Variants in PCM1 observed in about 807,000 individuals in gnomAD.
PCM1 encodes the protein pericentriolar material 1.
Under a neutral mutation model 241.9 loss-of-function variants are expected in PCM1, and 157 were observed. The observed-to-expected ratio is 0.65, with a 90% CI of 0.57 to 0.74. The LOEUF (loss-of-function observed/expected upper bound fraction) is 0.74. Among genes scored for constraint, PCM1 ranks in the 30% least tolerant of loss-of-function variants. PCM1 has a pLI of 0.00. For missense variants in PCM1, 3,478 were observed against 2,360.1 expected (o/e 1.47, Z -9.81); for synonymous variants, 1,085 against 784.9 (o/e 1.38, Z -6.39).
chr8:18,018,588 G>A (rs987214813), intron 36 of PCM1, among the ~76,000 whole-genome samples: 15 of 151,924 alleles, frequency 9.9e-5, no homozygotes, highest in Middle Eastern at 3.4e-3. Flanking sequence ...CGAGGCGGGC[G>A]GATCAGGAGG....
At chr8:17,950,534 T>G (rs1279881225) in intron 7 of PCM1, 81 bp from the exon 8 acceptor site, 4 of 739,434 alleles carry the variant, frequency 5.4e-6, no homozygotes, top group Non-Finnish European at 9.0e-6. Flanking sequence ...ATTCTTTTTT[T>G]AAATTTATTT....
At chr8:17,956,425 T>C (rs547927656) in intron 10 of PCM1, among the ~76,000 whole-genome samples, 179 bp from the exon 11 acceptor site, 1 of 152,314 alleles carries the variant, frequency 6.6e-6, no homozygotes, top group South Asian at 2.1e-4. Context: ...AGATTTTGAG[T>C]AAGCTGTACT....
chr8:18,016,656 A>C (rs1739645951), intron 36 of PCM1, among the ~76,000 whole-genome samples: 1 of 152,232 alleles, frequency 6.6e-6, no homozygotes, highest in Admixed American at 6.5e-5. Context: ...TGAATTGACA[A>C]CCAAAATAAA....
Position 17,966,972 on chromosome 8 carries a change from C to G in PCM1, c.3222-8C>G. 3.1e-6 allele frequency: 5 copies of G among 1,592,348 alleles called. No individual in the cohort carries two copies. Among genetic ancestry groups the G allele is most frequent in the South Asian group, 1.1e-5 (1 of 87,106 alleles). Reference sequence around the variant, plus strand: ...TGATTCTTAGATTACTGACTTAAATCTTTGTAGGTTGAAACAAATGCTAAA... The same window carrying G: ...TGATTCTTAGATTACTGACTTAAATGTTTGTAGGTTGAAACAAATGCTAAA... On this transcript the variant is annotated splice_region_variant and splice_polypyrimidine_tract_variant and intron_variant, in intron 20 of 38. Transcript: ENST00000325083.
chr8:17,988,658 C>G (rs938456935), intron 26 of PCM1, among the ~76,000 whole-genome samples: 11 of 151,852 alleles, frequency 7.2e-5, no homozygotes, highest in Non-Finnish European at 1.2e-4. Context: ...ATAAAGCTTA[C>G]AACTCAGTTG....
Position 18,022,099 on chromosome 8 carries a change from T to C in PCM1, c.5842-3262T>C, listed in dbSNP as rs571539485. ...AGCAGACAGCTCTTACTACTCACAA[T>C]GCAGCAAAACTTCAGGGTTTTCAGC... On this transcript the variant is annotated intron_variant, in intron 36 of 38. Coordinates refer to ENST00000325083, the MANE Select transcript of PCM1 (RefSeq NM_006197.4). Among the ~76,000 whole-genome samples, 4 of 152,272 alleles carry C rather than the reference T, an allele frequency of 2.6e-5. No homozygotes were observed. In the South Asian group the frequency reaches 8.3e-4, roughly 32 times the overall value.
At position 17,938,749 on chromosome 8, in the gene PCM1, G is replaced by A; in HGVS notation, c.352G>A (p.Gly118Arg). The A allele has an allele frequency of 6.2e-7, 1 of 1,609,422 alleles. No homozygotes were observed. Among genetic ancestry groups the A allele is most frequent in the Non-Finnish European group, 8.5e-7 (1 of 1,175,790 alleles). The change falls in exon 5 of 39, where the codon GGA becomes AGA. Residue 118 changes from glycine to arginine, a missense_variant. Coordinates refer to ENST00000325083, the MANE Select transcript of PCM1 (RefSeq NM_006197.4). ...NFSDLDQRSI[G>R]SDSQGRATAA... is the part of the protein sequence containing the mutation. ...TCTTTTTCATATATAGAGAAGCATT[G>A]GAAGTGATTCCCAAGGTAGAGCAAC...
intron 19 of PCM1, 31 bp downstream of exon 19, chr8:17,966,249 T>G: frequency 6.2e-7 from 1 of 1,608,736 alleles, no homozygotes; most frequent in Non-Finnish European, 8.5e-7. Context: ...ATATTTTTCG[T>G]CTATTTTTAT....
chr8:17,997,755 A>G (rs890822234), intron 29 of PCM1, among the ~76,000 whole-genome samples: 3 of 151,598 alleles, frequency 2.0e-5, no homozygotes, highest in African/African-American at 7.3e-5. Flanking sequence ...GCCAGGTGCT[A>G]TGGCTCACAC....
intron 24 of PCM1, among the ~76,000 whole-genome samples, chr8:17,981,462 T>C (rs2080767395): frequency 6.6e-6 from 1 of 152,196 alleles, no homozygotes; most frequent in South Asian, 2.1e-4. Flanking sequence ...TTTGTCACTT[T>C]TTTGAGTCCC....
chr8:17,949,958 T>G (rs1320066348), intron 7 of PCM1, among the ~76,000 whole-genome samples: 1 of 152,182 alleles, frequency 6.6e-6, no homozygotes, highest in South Asian at 2.1e-4. Context: ...AGTCTTTTAG[T>G]ATGACTTGTA....
rs1169943874 is a variant in PCM1, at chr8:17,991,713, G to A, written c.4690+13G>A. 6.5e-7 allele frequency: 1 copy of A among 1,533,818 alleles called. No homozygotes were observed. Among genetic ancestry groups the A allele is most frequent in the Admixed American group, 2.1e-5 (1 of 48,538 alleles). The stretch of plus-strand genomic sequence containing the variant: ...AATAATTTAGAAGGTATATATTTTT[G>A]TTTTCGGTAGGTTTTTGGAGAACAG... On this transcript the variant is annotated intron_variant, in intron 28 of 38. Coordinates refer to ENST00000325083, the MANE Select transcript of PCM1 (RefSeq NM_006197.4).
In PCM1 at chr8:17,956,619, T is replaced by C. The variant is rs554124886; in HGVS notation, c.1488T>C (p.Val496=). ...PSEKLQKLNE[V]RKRLNELREL... is the part of the protein sequence containing the mutation. ...TGTTTATCAGGAAGTTAAATGAAGT[T>C]CGAAAGAGATTGAATGAGCTAAGAG... The change falls in exon 11 of 39, where the codon GTT becomes GTC. Residue 496 remains valine, a synonymous_variant. Transcript: ENST00000325083. 5.2e-5 allele frequency: 83 copies of C among 1,592,394 alleles called. 1 individual carries two copies. The highest frequency in any genetic ancestry group is 4.2e-4 in the South Asian group (37 of 87,484).
intron 7 of PCM1, among the ~76,000 whole-genome samples, chr8:17,948,321 T>TG (rs1491386733): frequency 9.6e-5 from 7 of 72,970 alleles, no homozygotes; most frequent in Non-Finnish European, 1.9e-4. Context: ...TTTTTTTTTT[T>TG]GGAGACAGAG....
At chr8:18,013,879 G>T in intron 34 of PCM1, 85 bp from the exon 35 acceptor site, 2 of 768,782 alleles carry the variant, frequency 2.6e-6, no homozygotes, top group East Asian at 2.9e-5. Context: ...GTCTTGGGTT[G>T]GACAAAAACT....
rs115113067 is a variant in PCM1 at position 17,967,184 on chromosome 8, C to G, written c.3412+14C>G. 1 of 1,545,722 alleles carries G rather than the reference C, an allele frequency of 6.5e-7. No individual in the cohort carries two copies. The highest frequency in any genetic ancestry group is 1.2e-5 in the South Asian group (1 of 83,352). On this transcript the variant is annotated intron_variant, in intron 21 of 38. Coordinates refer to ENST00000325083, the MANE Select transcript of PCM1 (RefSeq NM_006197.4). ...CATTTGCACCAGGTAGGTGACTTAA[C>G]CTAAAGAGAAAATAAATAAAAGCAA...
In PCM1 at chr8:17,939,147, C is replaced by A. The variant is rs2061301334; in HGVS notation, c.612+138C>A. The A allele has an allele frequency of 5.5e-6, 4 of 725,072 alleles. No individual in the cohort carries two copies. In the Admixed American group the frequency reaches 9.1e-5, roughly 17 times the overall value. 44.9% of individuals were successfully genotyped at this position (725,072 alleles called of 1,614,324 possible). A position where few individuals can be genotyped will look rare whatever the true frequency, so the allele number is the denominator to read the frequency against. ...TGCTTCACTGACCTCCTTTGTTAAT[C>A]TGCCAGATTTACTTAAAATAGAGTA... On this transcript the variant is annotated intron_variant, in intron 5 of 38. Coordinates refer to ENST00000325083, the MANE Select transcript of PCM1 (RefSeq NM_006197.4).
chr8:17,951,069 C>G (rs1031308754), intron 8 of PCM1, among the ~76,000 whole-genome samples: 11 of 152,168 alleles, frequency 7.2e-5, no homozygotes, highest in African/African-American at 2.4e-4. Context: ...ACGATTAAGA[C>G]TTTGCTTTAA....
intron 38 of PCM1, among the ~76,000 whole-genome samples, chr8:18,026,208 C>A (rs35013412): frequency 7.7e-6 from 1 of 129,428 alleles, no homozygotes; most frequent in Admixed American, 8.0e-5. Flanking sequence ...AAAATGTAGA[C>A]ATGCCCATGG....
Sources: allele counts gnomAD v4.1 joint callset (sites outside exome capture counted in the v4.1 genomes callset), GRCh38; gene constraint gnomAD v4.1.1; transcripts MANE v1.5; gene names NCBI Gene and HGNC (gene_info 2026-07-23, HGNC 2026-07-21).